The following IL15 variants were observed in gnomAD, a reference collection of about 807,000 sequenced individuals.
IL15 encodes the protein interleukin-15.
In IL15, 11 loss-of-function variants were observed where a neutral mutation model predicts 19.6. The ratio of observed to expected loss-of-function variants is 0.56; its 90% CI spans 0.35 to 0.93. The LOEUF is 0.93. IL15 is among the 40% of genes least tolerant of loss of function. The pLI is 0.01. For synonymous variants in IL15, 58 were observed against 59.6 expected, an observed-to-expected ratio of 0.97 and a Z score of 0.12; for missense variants, 197 against 186.5, an observed-to-expected ratio of 1.06 and a Z score of -0.33.
At chr4:141,646,377 C>G (rs1265661619) in intron 1 of IL15, among the ~76,000 whole-genome samples, 1 of 152,076 alleles carries the variant, frequency 6.6e-6, no homozygotes, top group East Asian at 1.9e-4. Flanking sequence ...AACCATACTA[C>G]TATGTTCTTG....
intron 7 of IL15, 64 bp downstream of exon 7, chr4:141,730,048 T>C (rs566608114): frequency 7.7e-7 from 1 of 1,296,254 alleles, no homozygotes; most frequent in Admixed American, 1.7e-5. Context: ...GGAGAAGTCA[T>C]TCATGGACAA....
At chr4:141,676,592 T>A (rs951689043) in intron 2 of IL15, among the ~76,000 whole-genome samples, 1 of 152,170 alleles carries the variant, frequency 6.6e-6, no homozygotes, top group African/African-American at 2.4e-5. Flanking sequence ...AGAAAGGACA[T>A]CATGAAAGTC....
intron 2 of IL15, among the ~76,000 whole-genome samples, chr4:141,658,429 A>G (rs1727679124): frequency 6.6e-6 from 1 of 152,128 alleles, no homozygotes; most frequent in South Asian, 2.1e-4. Flanking sequence ...GCTCCACTAT[A>G]ATCTTATGGG....
At chr4:141,668,371 C>G (rs1365943685) in intron 2 of IL15, among the ~76,000 whole-genome samples, 2 of 152,242 alleles carry the variant, frequency 1.3e-5, no homozygotes, top group Non-Finnish European at 2.9e-5. Flanking sequence ...CTGACTCTCT[C>G]CTCAGCTATC....
intron 2 of IL15, among the ~76,000 whole-genome samples, chr4:141,709,803 TG>T (rs1213018890): frequency 6.6e-6 from 1 of 152,176 alleles, no homozygotes; most frequent in Non-Finnish European, 1.5e-5. Context: ...AGGGTGTATA[TG>T]TGCAGGTTGG....
intron 2 of IL15, among the ~76,000 whole-genome samples, chr4:141,699,086 C>T (rs574996033): frequency 1.3e-5 from 2 of 152,004 alleles, no homozygotes; most frequent in Non-Finnish European, 2.9e-5. Flanking sequence ...ATTGTTAAGC[C>T]AAAAATCATT....
At chr4:141,655,363 A>T (rs1279867057) in intron 1 of IL15, among the ~76,000 whole-genome samples, 1 of 152,036 alleles carries the variant, frequency 6.6e-6, no homozygotes, top group East Asian at 1.9e-4. Flanking sequence ...TGATGCAGAG[A>T]AAAAAGCAAA....
intron 2 of IL15, among the ~76,000 whole-genome samples, chr4:141,687,086 G>A (rs2152175191): frequency 1.3e-5 from 2 of 152,196 alleles, no homozygotes; most frequent in South Asian, 4.1e-4. Flanking sequence ...TTTTGCCCAG[G>A]AAGTTCATTG....
chr4:141,699,484 G>T (rs759967068), intron 2 of IL15, among the ~76,000 whole-genome samples: 5 of 152,000 alleles, frequency 3.3e-5, no homozygotes, highest in Non-Finnish European at 7.4e-5. Context: ...GGTTTAGTAG[G>T]TATTGTTTTA....
intron 2 of IL15, among the ~76,000 whole-genome samples, chr4:141,676,924 A>T (rs748409763): frequency 3.9e-5 from 6 of 152,228 alleles, no homozygotes; most frequent in Non-Finnish European, 5.9e-5. Context: ...GAGGAAGAAG[A>T]CATATTATAA....
intron 2 of IL15, among the ~76,000 whole-genome samples, chr4:141,709,863 C>T (rs1729655430): frequency 6.6e-6 from 1 of 151,928 alleles, no homozygotes; most frequent in Non-Finnish European, 1.5e-5. Context: ...TGAATGATGC[C>T]ATCACCCAGG....
rs973240764 is a variant in IL15 at position 141,662,646 on chromosome 4, G to A, written c.-100+6339G>A. On this transcript the variant is annotated intron_variant, in intron 2 of 7. Coordinates refer to ENST00000320650, the MANE Select transcript of IL15 (RefSeq NM_000585.5). ...CAGCCTGACAATCTTAGTCTTTTACGGAGTATTTAGTTCATTTTTATTTAA... is the reference window on the plus strand; with the variant it reads ...CAGCCTGACAATCTTAGTCTTTTACAGAGTATTTAGTTCATTTTTATTTAA... 2.6e-5 allele frequency among the ~76,000 whole-genome samples: 4 copies of A among 151,980 alleles called. No homozygotes were observed. The East Asian group carries it at 5.8e-4, about 22-fold the overall frequency.
chr4:141,715,336 C>T (rs1241483146), intron 2 of IL15: 1 of 152,246 alleles, frequency 6.6e-6, no homozygotes, highest in Non-Finnish European at 1.5e-5. Context: ...CTCATAGCCA[C>T]ACAGTTGCCT....
At chr4:141,705,883 A>G (rs72712430) in intron 2 of IL15, among the ~76,000 whole-genome samples, 238 of 151,960 alleles carry the variant, frequency 1.6e-3, no homozygotes, top group Non-Finnish European at 2.6e-3. Flanking sequence ...TATCTGATAT[A>G]AGTATGGCTA....
intron 2 of IL15, among the ~76,000 whole-genome samples, chr4:141,667,444 G>A (rs1041647323): frequency 2.0e-5 from 3 of 152,150 alleles, no homozygotes; most frequent in Non-Finnish European, 2.9e-5. Flanking sequence ...TTGCTTGTTG[G>A]TTAGGAGAAA....
In IL15 at chr4:141,732,921, C is replaced by G; in HGVS notation, c.*73C>G. ...TCTGCTGCTTAGACATAACAAAACA[C>G]TCGGCATTTCAAATGTGCTGTCAAA... On this transcript the variant is annotated 3_prime_UTR_variant, in exon 8 of 8. Coordinates refer to ENST00000320650, the MANE Select transcript of IL15 (RefSeq NM_000585.5). The G allele has an allele frequency of 6.5e-7, 1 of 1,534,592 alleles. No individual in the cohort carries two copies.
chr4:141,694,597 G>A (rs1729031605), intron 2 of IL15, among the ~76,000 whole-genome samples: 1 of 152,106 alleles, frequency 6.6e-6, no homozygotes, highest in South Asian at 2.1e-4. Context: ...GAAGCCCAGG[G>A]CTCAATTCTT....
chr4:141,713,607 G>C (rs1729779084), intron 2 of IL15, among the ~76,000 whole-genome samples: 1 of 152,142 alleles, frequency 6.6e-6, no homozygotes, highest in South Asian at 2.1e-4. Flanking sequence ...CTTTCATACT[G>C]TTAGGAAAAT....
At chr4:141,689,255 C>G (rs1405366052) in intron 2 of IL15, among the ~76,000 whole-genome samples, 1 of 152,168 alleles carries the variant, frequency 6.6e-6, no homozygotes, top group African/African-American at 2.4e-5. Context: ...GAGCAGGTTG[C>G]CACTGCTGGC....
Sources: gnomAD v4.1 joint callset for allele counts (sites outside exome capture counted in the v4.1 genomes callset) on GRCh38, gnomAD v4.1.1 for gene constraint, MANE v1.5 for transcripts, NCBI Gene and HGNC (gene_info 2026-07-23, HGNC 2026-07-21) for gene names.